Variants in SLC25A48 observed in about 807,000 individuals in gnomAD.
SLC25A48 encodes the protein solute carrier family 25 member 48, also known as CTC-321K16.1.
SLC25A48 carries 29 observed loss-of-function variants against 32.2 expected under a neutral mutation model. The ratio of observed to expected loss-of-function variants is 0.90; its 90% confidence interval spans 0.67 to 1.23. The LOEUF (loss-of-function observed/expected upper bound fraction) is 1.23, where lower values mean the gene tolerates loss of function less well. SLC25A48 is among the 50% of genes most tolerant of loss of function. The pLI is 0.00. For synonymous variants in SLC25A48, 164 were observed against 172.3 expected, an observed-to-expected ratio of 0.95 and a Z score of 0.38; for missense variants, 399 against 422.7, an observed-to-expected ratio of 0.94 and a Z score of 0.49.
chr5:135,869,381 G>C (rs1052268016), intron 4 of SLC25A48, among the ~76,000 whole-genome samples: 1 of 152,154 alleles, frequency 6.6e-6, no homozygotes, highest in South Asian at 2.1e-4. Context: ...CTGGGAGAAT[G>C]AGAGAGAATT....
In SLC25A48 at chr5:135,674,537, T is replaced by C. The variant is rs140850259; in HGVS notation, c.-521+39581T>C. ...ACATATGAGTAAGAACATGTGATGA[T>C]TGTCTTTCTGTGCCTTTTTTTTCTG... On this transcript the variant is annotated intron_variant, in intron 3 of 10. Transcript: ENST00000646290. Among the ~76,000 whole-genome samples, 240 of 152,020 alleles carry C rather than the reference T, an allele frequency of 1.6e-3. 1 individual carries two copies. Among genetic ancestry groups the C allele is most frequent in the African/African-American group, 5.6e-3 (233 of 41,494 alleles).
chr5:135,713,033 A>G (rs1754706000), intron 3 of SLC25A48, among the ~76,000 whole-genome samples: 1 of 152,132 alleles, frequency 6.6e-6, no homozygotes, highest in Non-Finnish European at 1.5e-5. Flanking sequence ...TGATAAACCA[A>G]CTTATATTTT....
chr5:135,762,454 A>G (rs1756085768), intron 3 of SLC25A48, among the ~76,000 whole-genome samples: 1 of 152,204 alleles, frequency 6.6e-6, no homozygotes, highest in Non-Finnish European at 1.5e-5. Context: ...AACCACGCTA[A>G]TGTATTACTA....
chr5:135,801,545 ACTT>A (rs562134388), intron 3 of SLC25A48, among the ~76,000 whole-genome samples: 19 of 151,144 alleles, frequency 1.3e-4, no homozygotes, highest in East Asian at 9.8e-4. Flanking sequence ...AGATGATATT[ACTT>A]CTTCTTATTA....
chr5:135,742,727 G>C (rs1000847870), intron 3 of SLC25A48: 1 of 380,626 alleles, frequency 2.6e-6, no homozygotes, highest in African/African-American at 2.1e-5. Flanking sequence ...TTAGTCAACA[G>C]TAGAAGTAAG....
intron 3 of SLC25A48, among the ~76,000 whole-genome samples, chr5:135,789,192 G>A (rs1382761695): frequency 1.4e-5 from 2 of 139,184 alleles, no homozygotes; most frequent in African/African-American, 5.2e-5. Context: ...TGCGGTGGGT[G>A]TACACCCTCC....
At chr5:135,690,066 G>A (rs1754109726) in intron 3 of SLC25A48, among the ~76,000 whole-genome samples, 1 of 152,116 alleles carries the variant, frequency 6.6e-6, no homozygotes, top group Admixed American at 6.6e-5. Context: ...GGTTTGCTTG[G>A]GGCTGGGGGG....
At chr5:135,772,500 T>C (rs1756439202) in intron 3 of SLC25A48, among the ~76,000 whole-genome samples, 1 of 151,580 alleles carries the variant, frequency 6.6e-6, no homozygotes, top group African/African-American at 2.4e-5. Flanking sequence ...AGAATAATAC[T>C]ACTCCCAATA....
chr5:135,784,822 C>A lies in SLC25A48; in HGVS notation c.-520-27701C>A, dbSNP rs1180720633. 3.4e-5 allele frequency among the ~76,000 whole-genome samples: 4 copies of A among 117,568 alleles called. 1 individual carries two copies. The highest frequency in any genetic ancestry group is 7.8e-5 in the African/African-American group (3 of 38,642). 77.1% of individuals were successfully genotyped at this position (117,568 alleles called of 152,430 possible). ...AAAAGTGAAAGCATGATATTACTCC[C>A]AATATCGTAAGAAATGTATACCTCC... On this transcript the variant is annotated intron_variant, in intron 3 of 10. Coordinates refer to the SLC25A48 transcript ENST00000646290.
At chr5:135,822,310 G>A (rs1051467341) in intron 4 of SLC25A48, among the ~76,000 whole-genome samples, 2 of 152,210 alleles carry the variant, frequency 1.3e-5, no homozygotes, top group African/African-American at 4.8e-5. Flanking sequence ...GTGTCCTAGG[G>A]CTGCCAGAAC....
chr5:135,727,591 T>C (rs1175836433), intron 3 of SLC25A48, among the ~76,000 whole-genome samples: 1 of 151,862 alleles, frequency 6.6e-6, no homozygotes. Flanking sequence ...ATATAAAGAG[T>C]GAGATTTGGG....
chr5:135,728,787 T>G (rs1755152178), intron 3 of SLC25A48, among the ~76,000 whole-genome samples: 1 of 151,634 alleles, frequency 6.6e-6, no homozygotes. Context: ...ACCTCTGACT[T>G]GCCTTTCACC....
At chr5:135,697,087 A>G (rs893561565) in intron 3 of SLC25A48, among the ~76,000 whole-genome samples, 8 of 152,078 alleles carry the variant, frequency 5.3e-5, no homozygotes, top group Non-Finnish European at 1.0e-4. Context: ...TATGGTTTTG[A>G]AAAAAAGGAT....
intron 3 of SLC25A48, among the ~76,000 whole-genome samples, chr5:135,802,122 A>G (rs893854243): frequency 2.0e-5 from 3 of 151,696 alleles, no homozygotes; most frequent in African/African-American, 7.3e-5. Flanking sequence ...TACTCCCAAT[A>G]CCCTCATATC....
At chr5:135,652,519 C>T in intron 3 of SLC25A48, 1 of 440,230 alleles carries the variant, frequency 2.3e-6, no homozygotes, top group Non-Finnish European at 4.6e-6. Context: ...ACAGGTCTCA[C>T]TATATACCCC....
intron 4 of SLC25A48, among the ~76,000 whole-genome samples, chr5:135,819,203 G>GA (rs1215799795): frequency 6.6e-6 from 1 of 152,066 alleles, no homozygotes; most frequent in East Asian, 1.9e-4. Context: ...TAAATGTGGT[G>GA]AAAAATGTAA....
At chr5:135,702,027 A>G (rs1250604816) in intron 3 of SLC25A48, among the ~76,000 whole-genome samples, 1 of 152,258 alleles carries the variant, frequency 6.6e-6, no homozygotes, top group Non-Finnish European at 1.5e-5. Flanking sequence ...GATGAGAAAG[A>G]TGAGCCTGGA....
intron 3 of SLC25A48, among the ~76,000 whole-genome samples, chr5:135,687,665 T>A (rs6860065): frequency 0.81 from 122,990 of 152,100 alleles, 49,972 homozygotes; most frequent in Middle Eastern, 0.89. Context: ...TAGAGTTATC[T>A]TTGTAAACAG....
At chr5:135,876,332 C>T (rs1401758993) in intron 6 of SLC25A48, 2 of 151,922 alleles carry the variant, frequency 1.3e-5, no homozygotes, top group African/African-American at 2.4e-5. Flanking sequence ...ATTATTTCCT[C>T]TGAAAATTAC....
Sources: gnomAD v4.1 joint callset for allele counts (sites outside exome capture counted in the v4.1 genomes callset) on GRCh38, gnomAD v4.1.1 for gene constraint, MANE v1.5 for transcripts, NCBI Gene and HGNC (gene_info 2026-07-23, HGNC 2026-07-21) for gene names.